The following FTO variants were observed in gnomAD, a reference collection of about 807,000 sequenced individuals.
FTO encodes the protein alpha-ketoglutarate-dependent dioxygenase FTO.
In FTO, 47 loss-of-function variants were observed where a neutral mutation model predicts 63.9. The ratio of observed to expected loss-of-function variants is 0.74; its 90% confidence interval spans 0.58 to 0.94. The LOEUF is 0.94. Ranked by LOEUF, FTO falls within the 40% of genes least tolerant of loss-of-function variation. The pLI, the probability that FTO is intolerant of heterozygous loss-of-function variation, is 0.00. For missense variants in FTO, 562 were observed against 618.1 expected (o/e 0.91, Z 0.96); for synonymous variants, 207 against 224.4 (o/e 0.92, Z 0.69).
rs552046216 is a variant in FTO, at chr16:54,111,969, A to G, written c.*54A>G. The G allele has an allele frequency of 1.9e-5, 31 of 1,602,570 alleles. No homozygotes were observed. The Admixed American group carries it at 2.3e-4, about 12-fold the overall frequency. On this transcript the variant is annotated 3_prime_UTR_variant, in exon 9 of 9. Transcript: ENST00000471389. ...AAAAGAGATCGGCTTTTCTCCTCCAACGTTGTCATGGGCTTAAGCAAGAGC... is the reference window on the plus strand; with the variant it reads ...AAAAGAGATCGGCTTTTCTCCTCCAGCGTTGTCATGGGCTTAAGCAAGAGC...
intron 1 of FTO, among the ~76,000 whole-genome samples, chr16:53,720,861 C>T (rs903658646): frequency 1.4e-4 from 22 of 151,858 alleles, no homozygotes; most frequent in African/African-American, 5.3e-4. Context: ...ACAGTCATAA[C>T]TTACTGCAGC....
intron 1 of FTO, among the ~76,000 whole-genome samples, chr16:53,783,477 G>A (rs187458407): frequency 4.9e-4 from 74 of 151,606 alleles, no homozygotes; most frequent in African/African-American, 1.6e-3. Flanking sequence ...GCGTGGTGGC[G>A]GGCGCCTGTA....
At chr16:53,860,536 G>T (rs2151852741) in intron 4 of FTO, among the ~76,000 whole-genome samples, 1 of 152,242 alleles carries the variant, frequency 6.6e-6, no homozygotes, top group East Asian at 1.9e-4. Flanking sequence ...TTCTAGGGAG[G>T]CCTCATAAAA....
At chr16:53,974,871 G>A (rs1599125205) in intron 8 of FTO, among the ~76,000 whole-genome samples, 1 of 152,260 alleles carries the variant, frequency 6.6e-6, no homozygotes, top group East Asian at 1.9e-4. Flanking sequence ...ATCCAGAAAT[G>A]TCAAAGTTGC....
Position 53,826,121 on chromosome 16 carries a change from C to T in FTO, c.381C>T (p.His127=), listed in dbSNP as rs1365720478. Residue 127 remains histidine (H), a synonymous_variant, in exon 3 of 9, where the codon CAC becomes CAT. Transcript: ENST00000471389. ...PWPVKGSNIK[H]TEAEIAAACE... Reference sequence around the variant, plus strand: ...CAGTGAAAGGGTCTAATATAAAACACACCGAGGCTGAAATAGCCGCTGCTT... The same window carrying T: ...CAGTGAAAGGGTCTAATATAAAACATACCGAGGCTGAAATAGCCGCTGCTT... The T allele has an allele frequency of 1.2e-6, 2 of 1,614,182 alleles. No individual in the cohort carries two copies. The highest frequency in any genetic ancestry group is 8.5e-7 in the Non-Finnish European group (1 of 1,180,034).
intron 4 of FTO, among the ~76,000 whole-genome samples, chr16:53,851,276 C>A (rs1187686825): frequency 1.4e-5 from 2 of 142,440 alleles, no homozygotes; most frequent in African/African-American, 5.4e-5. Context: ...GGTGATACCC[C>A]ACCTCTACTA....
intron 2 of FTO, among the ~76,000 whole-genome samples, chr16:53,810,619 A>G (rs1057303843): frequency 2.0e-5 from 3 of 152,184 alleles, no homozygotes; most frequent in Non-Finnish European, 4.4e-5. Context: ...CACTCCCGGT[A>G]AATAACTCTA....
At chr16:53,992,105 T>G (rs1463097741) in intron 8 of FTO, 2 of 152,096 alleles carry the variant, frequency 1.3e-5, no homozygotes, top group African/African-American at 4.8e-5. Context: ...TGCTTGACTC[T>G]TCTTGTTTTC....
At chr16:54,016,299 A>AC (rs10646558) in intron 8 of FTO, among the ~76,000 whole-genome samples, 79,288 of 150,950 alleles carry the variant, frequency 0.53, 23,497 homozygotes, top group African/African-American at 0.79. Flanking sequence ...CATGAAAAAA[A>AC]AAAAAAAAAA....
chr16:54,084,701 T>C lies in FTO; in HGVS notation c.1365-27061T>C, dbSNP rs532302077. Among the ~76,000 whole-genome samples, 3 of 152,164 alleles carry C rather than the reference T, an allele frequency of 2.0e-5. No individual in the cohort carries two copies. The South Asian group carries it at 6.2e-4, about 32-fold the overall frequency. On this transcript the variant is annotated intron_variant, in intron 8 of 8. Transcript: ENST00000471389. ...CAGGTGGCTCAAGTCTCAGGAGCAA[T>C]CTAGATACAGGGAGAAGCCATTTGT...
In FTO at chr16:53,928,333, A is replaced by G. The variant is rs569698310; in HGVS notation, c.1240-5652A>G. On this transcript the variant is annotated intron_variant, in intron 7 of 8. Transcript: ENST00000471389. ...CCTGTATTTTGGGAGGAGGGGAGGG[A>G]GAATGTGTTTTTGGTAATAGGAGAC... Among the ~76,000 whole-genome samples, 3 of 152,158 alleles carry G rather than the reference A, an allele frequency of 2.0e-5. No homozygotes were observed. In the East Asian group the frequency reaches 5.8e-4, roughly 29 times the overall value.
chr16:54,035,144 G>C (rs973658168), intron 8 of FTO, among the ~76,000 whole-genome samples: 3 of 152,204 alleles, frequency 2.0e-5, no homozygotes, highest in Non-Finnish European at 4.4e-5. Flanking sequence ...AGTTGAACAG[G>C]ATCTGATTTG....
At chr16:53,747,951 G>A (rs113942302) in intron 1 of FTO, among the ~76,000 whole-genome samples, 40 of 152,040 alleles carry the variant, frequency 2.6e-4, no homozygotes, top group African/African-American at 9.4e-4. Flanking sequence ...TACTTGGCAC[G>A]TTTGTCAAAC....
intron 1 of FTO, among the ~76,000 whole-genome samples, chr16:53,789,753 C>CACATAT (rs2077845829): frequency 6.8e-6 from 1 of 147,142 alleles, no homozygotes; most frequent in African/African-American, 2.5e-5. Context: ...CTGGAACATA[C>CACATAT]ATATATATAT....
At chr16:53,866,848 C>T (rs2080331788) in intron 4 of FTO, among the ~76,000 whole-genome samples, 1 of 151,920 alleles carries the variant, frequency 6.6e-6, no homozygotes, top group African/African-American at 2.4e-5. Flanking sequence ...TATTAGTTTT[C>T]TGTTTTTTAT....
chr16:53,736,655 A>G (rs1409868050), intron 1 of FTO, among the ~76,000 whole-genome samples: 3 of 151,888 alleles, frequency 2.0e-5, no homozygotes, highest in African/African-American at 7.3e-5. Context: ...CTTTTTGCCA[A>G]TTTCTGTTTC....
chr16:53,765,939 G>T (rs2151618424), intron 1 of FTO, among the ~76,000 whole-genome samples: 1 of 152,294 alleles, frequency 6.6e-6, no homozygotes, highest in South Asian at 2.1e-4. Context: ...GAGCGTGTGT[G>T]TGGAGTGACT....
At chr16:53,916,338 C>G (rs536191124) in intron 7 of FTO, among the ~76,000 whole-genome samples, 1 of 152,130 alleles carries the variant, frequency 6.6e-6, no homozygotes, top group African/African-American at 2.4e-5. Context: ...GCTTGGGTCT[C>G]TCTGTGTTCT....
At chr16:53,792,023 C>G (rs1041880664) in intron 1 of FTO, among the ~76,000 whole-genome samples, 3 of 151,312 alleles carry the variant, frequency 2.0e-5, no homozygotes, top group African/African-American at 7.3e-5. Flanking sequence ...TTGCAGTGAG[C>G]CGAGATTGCG....
Sources: gnomAD v4.1 joint callset for allele counts (sites outside exome capture counted in the v4.1 genomes callset) on GRCh38, gnomAD v4.1.1 for gene constraint, MANE v1.5 for transcripts, NCBI Gene and HGNC (gene_info 2026-07-23, HGNC 2026-07-21) for gene names.